DGKA: variants seen among roughly 807,000 people sequenced by gnomAD.
The protein encoded by DGKA is 80 kDa diacylglycerol kinase.
Under a neutral mutation model 105.0 loss-of-function variants are expected in DGKA, and 35 were observed. That is an observed-to-expected ratio of 0.33 (90% confidence interval 0.25 to 0.44). The LOEUF (loss-of-function observed/expected upper bound fraction) is 0.44, where lower values mean the gene tolerates loss of function less well. Ranked by LOEUF, DGKA falls within the 20% of genes least tolerant of loss-of-function variation. The pLI is 1.00. For missense variants in DGKA, 665 were observed against 915.0 expected (o/e 0.73, Z 3.53); for synonymous variants, 296 against 332.0 (o/e 0.89, Z 1.18).
rs147441302 is a variant in DGKA at position 55,945,937 on chromosome 12, A to G, written c.1426+3674A>G. On this transcript the variant is annotated intron_variant, in intron 17 of 23. Coordinates refer to ENST00000331886, the MANE Select transcript of DGKA (RefSeq NM_001345.5). ...CCCAGGTAGCTGGGCTTACAAGCCT[A>G]TGCCAACACACCGGCTAATTTTTGT... Among the ~76,000 whole-genome samples the G allele has an allele frequency of 4.2e-4, 63 of 151,518 alleles. 1 individual carries two copies. The East Asian group carries it at 0.012, about 28-fold the overall frequency.
In DGKA at chr12:55,952,288, A is replaced by T; in HGVS notation, c.1653-53A>T. On this transcript the variant is annotated intron_variant, in intron 19 of 23. Transcript: ENST00000331886. This position sits in a 1 kb window ranked among gnomAD's most constrained non-coding sequence, Gnocchi z 5.1. ...TTCCCTGTCACGTACCACCCCTGCCAGCACTGTGTAACCTGTCCCTCCCTA... is the reference window on the plus strand; with the variant it reads ...TTCCCTGTCACGTACCACCCCTGCCTGCACTGTGTAACCTGTCCCTCCCTA... 1 of 1,578,806 alleles carries T rather than the reference A, an allele frequency of 6.3e-7. No homozygotes were observed. Among genetic ancestry groups the T allele is most frequent in the South Asian group, 1.1e-5 (1 of 90,340 alleles).
intron 5 of DGKA, 79 bp downstream of exon 5, chr12:55,938,131 C>A: frequency 7.5e-7 from 1 of 1,324,890 alleles, no homozygotes; most frequent in East Asian, 2.4e-5. Context: ...TCCCTTATTC[C>A]TTCAGGATTC....
rs1480774886 is a variant in DGKA at position 55,940,659 on chromosome 12, G to A, written c.954G>A (p.Glu318=). Residue 318 remains glutamate, a synonymous_variant, in exon 12 of 24, where the codon GAG becomes GAA. Coordinates refer to ENST00000331886, the MANE Select transcript of DGKA (RefSeq NM_001345.5). This position sits in a 1 kb window ranked among gnomAD's most constrained non-coding sequence, Gnocchi z 4.3. Reference sequence around the variant, plus strand: ...ACTGCCTGCAAGCGGTGGGCCATGAGTGTGACTGTGGGCTGCTCCGGGATC... The same window carrying A: ...ACTGCCTGCAAGCGGTGGGCCATGAATGTGACTGTGGGCTGCTCCGGGATC... ...HDDCLQAVGH[E]CDCGLLRDHI... 1.2e-6 allele frequency: 2 copies of A among 1,600,008 alleles called. No individual in the cohort carries two copies. Among genetic ancestry groups the A allele is most frequent in the Admixed American group, 1.8e-5 (1 of 55,318 alleles).
upstream of DGKA, chr12:55,927,653 C>G: frequency 6.6e-7 from 1 of 1,522,544 alleles, no homozygotes; most frequent in South Asian, 1.2e-5. Context: ...CGATTGCTGT[C>G]GGCCAACCCA....
Position 55,932,770 on chromosome 12 carries a change from T to C in DGKA, c.-82+1426T>C. ...CCCTCAGCCAGGTGTAGCACTGCAG[T>C]CTTCAGTGTTTGTGGAGGCTTAATA... is the stretch of plus-strand genomic sequence containing the variant. On this transcript the variant is annotated intron_variant, in intron 1 of 23. Transcript: ENST00000331886. This position sits in a 1 kb window ranked among gnomAD's most constrained non-coding sequence, Gnocchi z 4.3. The C allele has an allele frequency of 5.2e-6, 3 of 578,116 alleles. No homozygotes were observed. In the Admixed American group the frequency reaches 8.7e-5, roughly 17 times the overall value. 35.8% of individuals were successfully genotyped at this position (578,116 alleles called of 1,614,324 possible).
chr12:55,953,653 C>T, intron 23 of DGKA, 32 bp from the exon 24 acceptor site: 1 of 1,602,090 alleles, frequency 6.2e-7, no homozygotes, highest in Non-Finnish European at 8.6e-7. Flanking sequence ...AGTATCAGGT[C>T]CTGCCTCTGA....
At chr12:55,942,449 T>G in intron 17 of DGKA, 186 bp downstream of exon 17, 1 of 597,662 alleles carries the variant, frequency 1.7e-6, no homozygotes, top group Non-Finnish European at 3.0e-6. Flanking sequence ...GACCACAATC[T>G]GAACCTAGAA....
At chr12:55,949,419 G>A (rs531968489) in intron 17 of DGKA, among the ~76,000 whole-genome samples, 2 of 152,200 alleles carry the variant, frequency 1.3e-5, no homozygotes, top group African/African-American at 2.4e-5. Context: ...GGTTGATCTC[G>A]AACTCCTGAC....
At chr12:55,935,825 G>C in intron 1 of DGKA, 1 of 959,782 alleles carries the variant, frequency 1.0e-6, no homozygotes, top group Non-Finnish European at 1.2e-6. Flanking sequence ...AGCTGGTTCT[G>C]TGTCGCGCGT....
At chr12:55,947,936 C>T (rs562408328) in intron 17 of DGKA, among the ~76,000 whole-genome samples, 7 of 152,070 alleles carry the variant, frequency 4.6e-5, no homozygotes, top group East Asian at 2.0e-4. Flanking sequence ...ACTAAAGGCA[C>T]GCGCCACCAC....
At chr12:55,939,932 G>C in intron 9 of DGKA, 150 bp from the exon 10 acceptor site, 1 of 684,494 alleles carries the variant, frequency 1.5e-6, no homozygotes, top group Non-Finnish European at 2.6e-6. Flanking sequence ...AAAAGGCGTG[G>C]GTTTTGGAGG....
Position 55,937,019 on chromosome 12 carries a change from T to C in DGKA, c.67T>C (p.Ser23Pro). 6.2e-7 allele frequency: 1 copy of C among 1,614,082 alleles called. No homozygotes were observed. The highest frequency in any genetic ancestry group is 8.5e-7 in the Non-Finnish European group (1 of 1,179,964). The change falls in exon 3 of 24, where the codon TCC becomes CCC. Residue 23 changes from serine to proline, a missense_variant and splice_region_variant. Transcript: ENST00000331886. ...FAQLQKYMEYSTKKVSDVLKL... is the reference protein window; with the variant it reads ...FAQLQKYMEYPTKKVSDVLKL... ...CTCTTACTCTCTCTACACCCTAGAC[T>C]CCACCAAAAAGGTCAGTGATGTCCT...
rs772598958 is a variant in DGKA at position 55,938,578 on chromosome 12, T to C, written c.399+18T>C. ...ACAGCTCAGTGAGTTGGGGACCCTG[T>C]ATGCTGGGCAAGGGAATATGTGTTA... On this transcript the variant is annotated intron_variant, in intron 6 of 23. Transcript: ENST00000331886. 6.2e-7 allele frequency: 1 copy of C among 1,614,112 alleles called. No homozygotes were observed. Among genetic ancestry groups the C allele is most frequent in the African/African-American group, 1.3e-5 (1 of 75,040 alleles).
upstream of DGKA, among the ~76,000 whole-genome samples, chr12:55,928,102 C>A (rs1449702128): frequency 6.6e-6 from 1 of 152,200 alleles, no homozygotes; most frequent in Non-Finnish European, 1.5e-5. Flanking sequence ...GGTCTCCCTC[C>A]GCCGCCCATT....
At chr12:55,946,769 C>T (rs1592724606) in intron 17 of DGKA, among the ~76,000 whole-genome samples, 2 of 152,044 alleles carry the variant, frequency 1.3e-5, no homozygotes, top group Admixed American at 6.6e-5. Flanking sequence ...CCTCTGTAAC[C>T]GAGAGAGTGA....
intron 16 of DGKA, 23 bp downstream of exon 16, chr12:55,942,106 G>A: frequency 6.2e-7 from 1 of 1,613,896 alleles, no homozygotes; most frequent in Non-Finnish European, 8.5e-7. Context: ...AGGGGCGTGG[G>A]GAAGGTATTG....
chr12:55,938,287 G>C, intron 5 of DGKA: 1 of 690,518 alleles, frequency 1.4e-6, no homozygotes, highest in South Asian at 1.9e-5. Flanking sequence ...GGCCTAGGAT[G>C]TCCTTGGGAT....
intron 17 of DGKA, among the ~76,000 whole-genome samples, chr12:55,946,993 T>C (rs1467988528): frequency 6.6e-6 from 1 of 150,412 alleles, no homozygotes. Context: ...TCTTTTTTTT[T>C]TTTTTTTTTG....
intron 1 of DGKA, chr12:55,936,220 C>G: frequency 1.0e-5 from 6 of 589,676 alleles, no homozygotes; most frequent in Non-Finnish European, 1.0e-5. Context: ...GTCAGAGAAA[C>G]AGAGACAGAG....
Sources: allele counts gnomAD v4.1 joint callset (sites outside exome capture counted in the v4.1 genomes callset), GRCh38; gene constraint gnomAD v4.1.1; non-coding constraint Gnocchi (gnomAD v3.1); transcripts MANE v1.5; gene names NCBI Gene and HGNC (gene_info 2026-07-23, HGNC 2026-07-21).